The following CHL1 variants were observed in gnomAD, a reference collection of about 807,000 sequenced individuals.
The protein encoded by CHL1 is cell adhesion molecule L1 like.
A neutral mutation model predicts 141.9 loss-of-function variants in CHL1; 96 were observed. The ratio of observed to expected loss-of-function variants is 0.68; its 90% CI spans 0.57 to 0.80. The LOEUF (loss-of-function observed/expected upper bound fraction) is 0.80, where lower values mean the gene tolerates loss of function less well. Ranked by LOEUF, CHL1 falls within the 30% of genes least tolerant of loss-of-function variation. The pLI is 0.00. For synonymous variants in CHL1, 613 were observed against 502.2 expected (o/e 1.22, Z -2.95); for missense variants, 1,820 against 1,457.2 (o/e 1.25, Z -4.05).
At chr3:370,134 C>G (rs1705437439) in intron 15 of CHL1, among the ~76,000 whole-genome samples, 2 of 152,154 alleles carry the variant, frequency 1.3e-5, no homozygotes, top group African/African-American at 4.8e-5. Context: ...GGACGAGTCC[C>G]TTCTTTTCAA....
At chr3:324,540 A>G (rs1391747388) in intron 3 of CHL1, among the ~76,000 whole-genome samples, 1 of 152,056 alleles carries the variant, frequency 6.6e-6, no homozygotes, top group Non-Finnish European at 1.5e-5. Context: ...AATTTATTTT[A>G]TAGTTGTAAT....
At chr3:373,319 G>A (rs1263530091) in intron 15 of CHL1, among the ~76,000 whole-genome samples, 2 of 152,344 alleles carry the variant, frequency 1.3e-5, no homozygotes, top group African/African-American at 4.8e-5. Flanking sequence ...TGGAGTTCCT[G>A]CAGGGAAGCC....
At chr3:222,697 CT>C (rs1700959347) in intron 1 of CHL1, among the ~76,000 whole-genome samples, 1 of 152,008 alleles carries the variant, frequency 6.6e-6, no homozygotes, top group African/African-American at 2.4e-5. Flanking sequence ...TCACTCCTGT[CT>C]TGAAATAGAT....
At chr3:259,979 T>C (rs1694550099) in intron 2 of CHL1, among the ~76,000 whole-genome samples, 1 of 152,116 alleles carries the variant, frequency 6.6e-6, no homozygotes, top group Non-Finnish European at 1.5e-5. Context: ...ATTTTTGAAA[T>C]ATCAGCTGGG....
chr3:207,783 A>G (rs1410321467), intron 1 of CHL1, among the ~76,000 whole-genome samples: 1 of 152,188 alleles, frequency 6.6e-6, no homozygotes, highest in Non-Finnish European at 1.5e-5. Context: ...CAGAGGAGCA[A>G]ACTTCAAAGG....
chr3:323,076 T>C (rs1237529004), intron 3 of CHL1, among the ~76,000 whole-genome samples: 1 of 152,036 alleles, frequency 6.6e-6, no homozygotes, highest in East Asian at 1.9e-4. Flanking sequence ...CTTAATTGCA[T>C]CATTGCTTGA....
chr3:404,809 T>C (rs536212743), intron 27 of CHL1, among the ~76,000 whole-genome samples: 1 of 152,300 alleles, frequency 6.6e-6, no homozygotes, highest in East Asian at 1.9e-4. Flanking sequence ...GCATTTGTTC[T>C]CTGTCTGAGT....
intron 2 of CHL1, among the ~76,000 whole-genome samples, chr3:259,915 A>T (rs768375578): frequency 3.3e-5 from 5 of 152,174 alleles, no homozygotes; most frequent in African/African-American, 4.8e-5. Flanking sequence ...AGCAAGACTG[A>T]AAGTGCACAC....
chr3:197,562 C>T (rs6442651), intron 1 of CHL1: 1 of 322,104 alleles, frequency 3.1e-6, no homozygotes, highest in Admixed American at 3.9e-5. Flanking sequence ...GTGTGTGGGG[C>T]TCAGACCCCC....
At chr3:261,845 A>C (rs1694755372) in intron 2 of CHL1, among the ~76,000 whole-genome samples, 2 of 152,144 alleles carry the variant, frequency 1.3e-5, no homozygotes. Flanking sequence ...ACTGGAAAGA[A>C]ATTGAACAAT....
At chr3:361,860 G>C in intron 13 of CHL1, 50 bp downstream of exon 13, 1 of 1,252,002 alleles carries the variant, frequency 8.0e-7, no homozygotes, top group Middle Eastern at 1.9e-4. Context: ...TTGTAGATTT[G>C]ACCTTGTTTC....
At chr3:225,945 C>G (rs896253320) in intron 1 of CHL1, among the ~76,000 whole-genome samples, 2 of 151,324 alleles carry the variant, frequency 1.3e-5, no homozygotes, top group Non-Finnish European at 2.9e-5. Flanking sequence ...GGAGGCGGAG[C>G]TTGCAGTGAG....
At chr3:260,788 T>C (rs1450797773) in intron 2 of CHL1, among the ~76,000 whole-genome samples, 2 of 152,222 alleles carry the variant, frequency 1.3e-5, no homozygotes, top group Non-Finnish European at 2.9e-5. Context: ...ACTTCATTAC[T>C]AACAAAATAA....
chr3:261,408 ATAT>A (rs1189389234), intron 2 of CHL1, among the ~76,000 whole-genome samples: 1 of 152,148 alleles, frequency 6.6e-6, no homozygotes, highest in Non-Finnish European at 1.5e-5. Context: ...TCAGAAAATA[ATAT>A]TATTTTTTCT....
chr3:402,681 C>G (rs1026252684), intron 27 of CHL1, among the ~76,000 whole-genome samples: 1 of 152,124 alleles, frequency 6.6e-6, no homozygotes, highest in Non-Finnish European at 1.5e-5. Context: ...TTACCTGTAC[C>G]TCCATTTTGT....
At chr3:251,124 C>A (rs184814774) in intron 2 of CHL1, among the ~76,000 whole-genome samples, 1 of 151,860 alleles carries the variant, frequency 6.6e-6, no homozygotes, top group East Asian at 1.9e-4. Flanking sequence ...CTCTGAGCAA[C>A]AAATGCCTGA....
intron 2 of CHL1, among the ~76,000 whole-genome samples, chr3:298,917 C>G (rs141351962): frequency 6.6e-6 from 1 of 152,268 alleles, no homozygotes; most frequent in East Asian, 1.9e-4. Flanking sequence ...TGACACAGAA[C>G]AAGTATCTCA....
chr3:361,345 G>A (rs1704226896), intron 12 of CHL1, among the ~76,000 whole-genome samples: 1 of 131,498 alleles, frequency 7.6e-6, no homozygotes, highest in African/African-American at 2.8e-5. Context: ...CAGAAGCAAT[G>A]GCAACAAAAG....
At chr3:198,100 C>G (rs1347667638) in intron 1 of CHL1, 1 of 280,266 alleles carries the variant, frequency 3.6e-6, no homozygotes, top group East Asian at 1.1e-4. Context: ...CAGGTACCCC[C>G]GCCCCAGACG....
Sources: allele counts gnomAD v4.1 joint callset (sites outside exome capture counted in the v4.1 genomes callset), GRCh38; gene constraint gnomAD v4.1.1; transcripts MANE v1.5; gene names NCBI Gene and HGNC (gene_info 2026-07-23, HGNC 2026-07-21).